LRRC37A2: variants seen among roughly 807,000 people sequenced by gnomAD.
LRRC37A2 encodes leucine rich repeat containing 37 member A2.
In LRRC37A2, 9 loss-of-function variants were observed where a neutral mutation model predicts 68.8. That is an observed-to-expected ratio of 0.13 (90% CI 0.08 to 0.23). LRRC37A2 has a LOEUF of 0.23. Among genes scored for constraint, LRRC37A2 ranks in the 10% least tolerant of loss-of-function variants. The pLI is 1.00. For synonymous variants in LRRC37A2, 63 were observed against 367.6 expected, an observed-to-expected ratio of 0.17 and a Z score of 9.48; for missense variants, 168 against 950.4, an observed-to-expected ratio of 0.18 and a Z score of 10.82.
the LRRC37A2 span, among the ~76,000 whole-genome samples, chr17:46,827,813 CTT>C: frequency 1.7e-4 from 24 of 141,912 alleles, no homozygotes; most frequent in Admixed American, 2.1e-4. Flanking sequence ...AAATTTCTTT[CTT>C]TTTTTTTTTT....
At chr17:46,717,765 G>A in the LRRC37A2 span, among the ~76,000 whole-genome samples, 4 of 152,112 alleles carry the variant, frequency 2.6e-5, no homozygotes, top group Non-Finnish European at 5.9e-5. Context: ...TGGCAGTGGC[G>A]GTGGCAGGGA....
chr17:46,802,562 C>T, the LRRC37A2 span, among the ~76,000 whole-genome samples: 1 of 152,170 alleles, frequency 6.6e-6, no homozygotes, highest in East Asian at 1.9e-4. Context: ...GCCACCGTGC[C>T]CGGCCAAGAT....
the LRRC37A2 span, chr17:46,934,996 A>C: frequency 3.1e-6 from 5 of 1,604,872 alleles, no homozygotes; most frequent in East Asian, 1.1e-4. Flanking sequence ...ACTGATAAGC[A>C]AAGTTAATCA....
the LRRC37A2 span, among the ~76,000 whole-genome samples, chr17:46,965,879 C>T: frequency 6.6e-6 from 1 of 151,538 alleles, no homozygotes; most frequent in Non-Finnish European, 1.5e-5. Context: ...GATCCTCTTG[C>T]CTTGGCCTCC....
chr17:46,520,898 C>T lies in LRRC37A2; in HGVS notation c.2753+615C>T, dbSNP rs1246683344. Among the ~76,000 whole-genome samples the T allele has an allele frequency of 4.0e-5, 3 of 75,164 alleles. 1 individual carries two copies. The highest frequency in any genetic ancestry group is 1.2e-4 in the African/African-American group (3 of 24,778). The allele number at this position is 75,164 out of a possible 152,430, so 49.3% of individuals were successfully genotyped here. A position where few individuals can be genotyped will look rare whatever the true frequency, so the allele number is the denominator to read the frequency against. ...ATCCAGAATTTTTTGGTAATTTAAT[C>T]GGAATTAAATTAACATTTAAATATT... On this transcript the variant is annotated intron_variant, in intron 4 of 14. Transcript: ENST00000576629.
At chr17:46,846,060 G>T in the LRRC37A2 span, among the ~76,000 whole-genome samples, 108 of 152,144 alleles carry the variant, frequency 7.1e-4, no homozygotes, top group Non-Finnish European at 1.2e-3. Context: ...CAAAGTTCTG[G>T]GATTATAGGT....
the LRRC37A2 span, among the ~76,000 whole-genome samples, chr17:46,805,948 C>T: frequency 1.1e-4 from 17 of 152,190 alleles, no homozygotes; most frequent in Non-Finnish European, 2.4e-4. Context: ...ATGGAGCCTT[C>T]GGCAATGGAA....
At chr17:46,392,385 T>C in the LRRC37A2 span, among the ~76,000 whole-genome samples, 3 of 63,404 alleles carry the variant, frequency 4.7e-5, no homozygotes, top group Non-Finnish European at 1.1e-4. Flanking sequence ...TTTATTTTCT[T>C]TCTTTCTCTC....
At chr17:46,468,324 CAT>C in the LRRC37A2 span, among the ~76,000 whole-genome samples, 1 of 38,160 alleles carries the variant, frequency 2.6e-5, no homozygotes, top group African/African-American at 1.2e-4. Flanking sequence ...CAGTAAAACT[CAT>C]ATATTATAGC....
chr17:46,975,561 G>A, the LRRC37A2 span: 1 of 152,246 alleles, frequency 6.6e-6, no homozygotes, highest in Non-Finnish European at 1.5e-5. Flanking sequence ...CTCCTGGGGA[G>A]AACTAAGACG....
chr17:46,535,096 A>G (rs1287334091), intron 6 of LRRC37A2, among the ~76,000 whole-genome samples: 27 of 148,156 alleles, frequency 1.8e-4, no homozygotes, highest in Non-Finnish European at 3.1e-4. Context: ...GTTTTACTCT[A>G]TTGCCAGTGC....
chr17:46,711,418 C>G, the LRRC37A2 span, among the ~76,000 whole-genome samples: 1 of 152,166 alleles, frequency 6.6e-6, no homozygotes, highest in African/African-American at 2.4e-5. Context: ...TAAATACTTA[C>G]TGAGTACTTG....
chr17:46,923,675 A>G, the LRRC37A2 span: 9 of 857,170 alleles, frequency 1.0e-5, no homozygotes, highest in African/African-American at 1.7e-5. Flanking sequence ...GATTTATACT[A>G]AAGACCACAT....
At chr17:46,766,183 T>G in the LRRC37A2 span, among the ~76,000 whole-genome samples, 1 of 151,740 alleles carries the variant, frequency 6.6e-6, no homozygotes, top group Non-Finnish European at 1.5e-5. Flanking sequence ...CCAAGACGGG[T>G]GGATCACTTG....
At chr17:47,008,133 CAG>C in the LRRC37A2 span, among the ~76,000 whole-genome samples, 1 of 139,190 alleles carries the variant, frequency 7.2e-6, no homozygotes, top group Non-Finnish European at 1.5e-5. Flanking sequence ...TTTTTTGAGA[CAG>C]AGTCTCACTC....
At chr17:46,941,165 A>G in the LRRC37A2 span, 3 of 1,006,966 alleles carry the variant, frequency 3.0e-6, no homozygotes, top group Non-Finnish European at 2.4e-6. Flanking sequence ...CATTTACTTC[A>G]GGGGGACCAC....
chr17:46,882,166 A>C, the LRRC37A2 span, among the ~76,000 whole-genome samples: 1 of 152,172 alleles, frequency 6.6e-6, no homozygotes, highest in African/African-American at 2.4e-5. Context: ...TAAAAAATTA[A>C]AATTAAAAAA....
the LRRC37A2 span, among the ~76,000 whole-genome samples, chr17:47,000,063 T>TAAAATAAAATAAAATAAAATAAAATA: frequency 5.6e-5 from 1 of 17,732 alleles, no homozygotes; most frequent in Non-Finnish European, 1.6e-4. Context: ...TAAAATAAAA[T>TAAAATAAAATAAAATAAAATAAAATA]TAAAATAAAA....
chr17:46,763,764 T>G, the LRRC37A2 span: 1 of 146,882 alleles, frequency 6.8e-6, no homozygotes, highest in African/African-American at 2.5e-5. Context: ...CTTATTTATT[T>G]AGGAAGCCAT....
Sources: gnomAD v4.1 joint callset for allele counts (sites outside exome capture counted in the v4.1 genomes callset) on GRCh38, gnomAD v4.1.1 for gene constraint, MANE v1.5 for transcripts, NCBI Gene and HGNC (gene_info 2026-07-23, HGNC 2026-07-21) for gene names.